ATE1: variants seen among roughly 807,000 people sequenced by gnomAD.
ATE1 encodes arginyltransferase 1, also known as arginyl-tRNA--protein transferase 1.
A neutral mutation model predicts 70.5 loss-of-function variants in ATE1; 36 were observed. The ratio of observed to expected loss-of-function variants is 0.51; its 90% CI spans 0.39 to 0.67. The LOEUF (loss-of-function observed/expected upper bound fraction) is 0.67, where lower values mean the gene tolerates loss of function less well. Ranked by LOEUF, ATE1 falls within the 30% of genes least tolerant of loss-of-function variation. ATE1 has a pLI of 0.00. For synonymous variants in ATE1, 232 were observed against 219.3 expected, an observed-to-expected ratio of 1.06 and a Z score of -0.51; for missense variants, 593 against 629.5, an observed-to-expected ratio of 0.94 and a Z score of 0.62.
intron 11 of ATE1, among the ~76,000 whole-genome samples, chr10:121,772,578 A>T (rs1302817743): frequency 3.3e-5 from 5 of 152,192 alleles, no homozygotes; most frequent in African/African-American, 1.2e-4. Flanking sequence ...TCACAGCCTG[A>T]AGTAGTCTGT....
At chr10:121,848,284 G>A (rs928462352) in intron 8 of ATE1, among the ~76,000 whole-genome samples, 5 of 150,186 alleles carry the variant, frequency 3.3e-5, no homozygotes, top group South Asian at 2.1e-4. Flanking sequence ...TCTAATGTGC[G>A]TTCATTCATT....
In ATE1 at chr10:121,776,150, A is replaced by G. The variant is rs559800417; in HGVS notation, c.1378+14019T>C. On this transcript the variant is annotated intron_variant, in intron 11 of 11. Transcript: ENST00000224652. Reference sequence around the variant, plus strand: ...GGGTAATCGGGACACCAGCACCTCAAACACTTATTTCTCTGTGTTAGGAAC... The same window carrying G: ...GGGTAATCGGGACACCAGCACCTCAGACACTTATTTCTCTGTGTTAGGAAC... Among the ~76,000 whole-genome samples, 75 of 152,278 alleles carry G rather than the reference A, an allele frequency of 4.9e-4. 2 individuals are homozygous for G. The South Asian group carries it at 0.015, about 30-fold the overall frequency.
chr10:121,918,734 A>G (rs552524992), intron 3 of ATE1, among the ~76,000 whole-genome samples: 10 of 149,626 alleles, frequency 6.7e-5, no homozygotes, highest in African/African-American at 2.2e-4. Flanking sequence ...GTGTAATGAC[A>G]CAGTGTCAGC....
At chr10:121,839,951 C>T (rs1458024647) in intron 9 of ATE1, among the ~76,000 whole-genome samples, 1 of 152,120 alleles carries the variant, frequency 6.6e-6, no homozygotes, top group Non-Finnish European at 1.5e-5. Context: ...GACCATCAGA[C>T]ATGAAGACTG....
intron 10 of ATE1, among the ~76,000 whole-genome samples, chr10:121,823,159 G>A (rs1449955329): frequency 6.6e-6 from 1 of 151,934 alleles, no homozygotes; most frequent in African/African-American, 2.4e-5. Flanking sequence ...GCACGGTGGC[G>A]GGCGCCTTTA....
chr10:121,893,397 C>CTA (rs987018283), intron 7 of ATE1, among the ~76,000 whole-genome samples: 8 of 151,738 alleles, frequency 5.3e-5, no homozygotes, highest in African/African-American at 1.9e-4. Flanking sequence ...AGGAGCAAAG[C>CTA]TATACTAGAA....
intron 11 of ATE1, among the ~76,000 whole-genome samples, chr10:121,768,403 C>T: frequency 6.6e-6 from 1 of 151,948 alleles, no homozygotes; most frequent in East Asian, 1.9e-4. Flanking sequence ...ATGTATAGGA[C>T]TCTGAAAGTT....
At chr10:121,770,734 T>C (rs1369335708) in intron 11 of ATE1, among the ~76,000 whole-genome samples, 2 of 140,798 alleles carry the variant, frequency 1.4e-5, no homozygotes, top group Admixed American at 7.0e-5. Context: ...TTTCCTTAAC[T>C]AAAAAAAAAA....
At chr10:121,881,783 C>G (rs1228590651) in intron 7 of ATE1, among the ~76,000 whole-genome samples, 1 of 150,802 alleles carries the variant, frequency 6.6e-6, no homozygotes, top group East Asian at 2.0e-4. Context: ...AAATTCTTTA[C>G]AAGTTTTTTG....
chr10:121,911,725 A>G (rs1221440510), intron 4 of ATE1, among the ~76,000 whole-genome samples: 1 of 151,748 alleles, frequency 6.6e-6, no homozygotes, highest in Non-Finnish European at 1.5e-5. Flanking sequence ...GAACACCCAC[A>G]CTGAACTGTT....
chr10:121,751,518 T>C (rs1944579402), intron 11 of ATE1, among the ~76,000 whole-genome samples: 1 of 152,370 alleles, frequency 6.6e-6, no homozygotes, highest in Middle Eastern at 3.4e-3. Context: ...AGTCGGTGCA[T>C]AGCAGTATCT....
intron 8 of ATE1, among the ~76,000 whole-genome samples, chr10:121,841,766 G>A (rs1253981069): frequency 2.0e-5 from 3 of 152,076 alleles, no homozygotes; most frequent in Non-Finnish European, 4.4e-5. Context: ...GGACTTAGAC[G>A]GAAGGGCAAG....
intron 3 of ATE1, among the ~76,000 whole-genome samples, chr10:121,920,972 C>T (rs1225044519): frequency 6.7e-6 from 1 of 149,372 alleles, no homozygotes; most frequent in Non-Finnish European, 1.5e-5. Context: ...CCAGCCCAGG[C>T]GACAGTGCGA....
intron 6 of ATE1, 87 bp from the exon 7 acceptor site, chr10:121,900,081 G>A: frequency 7.3e-7 from 1 of 1,374,576 alleles, no homozygotes; most frequent in Non-Finnish European, 9.8e-7. Context: ...TCCCATCCAA[G>A]AAACCAAGTT....
intron 11 of ATE1, among the ~76,000 whole-genome samples, chr10:121,754,044 A>T (rs1028939029): frequency 9.8e-5 from 15 of 152,344 alleles, no homozygotes; most frequent in African/African-American, 3.4e-4. Context: ...GGAAAAGGAG[A>T]AGACTAGAAC....
At chr10:121,908,431 G>C (rs919829600) in intron 5 of ATE1, among the ~76,000 whole-genome samples, 1 of 152,194 alleles carries the variant, frequency 6.6e-6, no homozygotes, top group Non-Finnish European at 1.5e-5. Flanking sequence ...CTGGAACCCG[G>C]AGGTGGAGTC....
At chr10:121,913,675 CATA>C (rs575519403) in intron 4 of ATE1, 112 bp downstream of exon 4, 38 of 615,974 alleles carry the variant, frequency 6.2e-5, no homozygotes, top group African/African-American at 5.9e-4. Context: ...TCGCTGTCAT[CATA>C]GTAGTAGCAG....
At chr10:121,902,235 C>T (rs1190108359) in intron 6 of ATE1, among the ~76,000 whole-genome samples, 156 bp downstream of exon 6, 1 of 152,058 alleles carries the variant, frequency 6.6e-6, no homozygotes, top group African/African-American at 2.4e-5. Flanking sequence ...TTAGTAAATA[C>T]AAATGTTACT....
At chr10:121,848,674 T>G (rs1590482523) in intron 8 of ATE1, among the ~76,000 whole-genome samples, 5 of 136,266 alleles carry the variant, frequency 3.7e-5, no homozygotes, top group South Asian at 2.4e-4. Flanking sequence ...ACTTTGGGAG[T>G]CCAAGGCGGG....
Sources: allele counts gnomAD v4.1 joint callset (sites outside exome capture counted in the v4.1 genomes callset), GRCh38; gene constraint gnomAD v4.1.1; transcripts MANE v1.5; gene names NCBI Gene and HGNC (gene_info 2026-07-23, HGNC 2026-07-21).